NAA11: variants seen among roughly 807,000 people sequenced by gnomAD.
NAA11 encodes N-alpha-acetyltransferase 11.
NAA11 carries 15 observed loss-of-function variants against 16.1 expected under a neutral mutation model. The ratio of observed to expected loss-of-function variants is 0.93; its 90% CI spans 0.62 to 1.44. The LOEUF (loss-of-function observed/expected upper bound fraction) is 1.44, where lower values mean the gene tolerates loss of function less well. Among genes scored for constraint, NAA11 ranks in the 40% most tolerant of loss-of-function variants. NAA11 has a pLI of 0.00. For synonymous variants in NAA11, 122 were observed against 112.4 expected, an observed-to-expected ratio of 1.09 and a Z score of -0.54; for missense variants, 298 against 291.3, an observed-to-expected ratio of 1.02 and a Z score of -0.17.
the NAA11 span, among the ~76,000 whole-genome samples, chr4:79,192,917 A>T: frequency 1.3e-5 from 2 of 152,170 alleles, no homozygotes; most frequent in Non-Finnish European, 2.9e-5. Flanking sequence ...AATGATCGCC[A>T]TTCTAACTGG....
chr4:79,194,979 C>A, the NAA11 span, among the ~76,000 whole-genome samples: 1 of 151,982 alleles, frequency 6.6e-6, no homozygotes, highest in African/African-American at 2.4e-5. Flanking sequence ...CTCTGCTGTC[C>A]TGTGGGAGAG....
downstream of NAA11, among the ~76,000 whole-genome samples, chr4:79,314,121 A>T (rs1360099109): frequency 6.6e-6 from 1 of 152,228 alleles, no homozygotes; most frequent in Non-Finnish European, 1.5e-5. Context: ...TTTATGTAAA[A>T]CACATATGGA....
chr4:79,192,884 C>T, the NAA11 span, among the ~76,000 whole-genome samples: 1 of 151,952 alleles, frequency 6.6e-6, no homozygotes, highest in African/African-American at 2.4e-5. Flanking sequence ...TCCTCTCCAG[C>T]ACCTGTTGTT....
At chr4:79,177,581 T>C in the NAA11 span, among the ~76,000 whole-genome samples, 1 of 152,158 alleles carries the variant, frequency 6.6e-6, no homozygotes, top group African/African-American at 2.4e-5. Flanking sequence ...ATGAATAGTG[T>C]GAAAATGAGG....
chr4:79,245,823 G>A (rs1020797051), intron 2 of NAA11, among the ~76,000 whole-genome samples: 23 of 149,994 alleles, frequency 1.5e-4, no homozygotes, highest in African/African-American at 4.9e-4. Context: ...CTGCCCGGCC[G>A]CCACGTCTGG....
the NAA11 span, among the ~76,000 whole-genome samples, chr4:79,158,241 C>T: frequency 0.085 from 12,995 of 152,052 alleles, 648 homozygotes; most frequent in Non-Finnish European, 0.1. Context: ...GCTCCTAGAA[C>T]TGATAAATGA....
chr4:79,300,475 C>T (rs756775739), intron 1 of NAA11, among the ~76,000 whole-genome samples: 6 of 152,042 alleles, frequency 3.9e-5, no homozygotes, highest in South Asian at 2.1e-4. Flanking sequence ...TACAACATGC[C>T]GATTCAGCAA....
intron 1 of NAA11, among the ~76,000 whole-genome samples, chr4:79,303,279 C>A (rs1029586734): frequency 4.6e-5 from 7 of 151,550 alleles, no homozygotes; most frequent in African/African-American, 1.7e-4. Flanking sequence ...TTTTCAGATG[C>A]AAATTTGATA....
the NAA11 span, among the ~76,000 whole-genome samples, chr4:79,213,104 T>G: frequency 1.3e-5 from 2 of 152,194 alleles, no homozygotes; most frequent in Non-Finnish European, 2.9e-5. Flanking sequence ...ACTGGTTCAT[T>G]ATTATCACAA....
In NAA11 at chr4:79,257,411, ATACTT is replaced by A. The variant is rs570744541; in HGVS notation, c.*123-31146_*123-31142del. 1.2e-3 allele frequency among the ~76,000 whole-genome samples: 190 copies of A among 152,264 alleles called. 1 individual carries two copies. The highest frequency in any genetic ancestry group is 3.9e-3 in the South Asian group (19 of 4,824). ...AAAGTGTAGTTTCAAAATTTTAAAA[ATACTT>A]TAATTTGCAAGAGATTTTTTTTTAA... On this transcript the variant is annotated intron_variant and NMD_transcript_variant, in intron 2 of 2. Coordinates refer to the NAA11 transcript ENST00000511542.
At chr4:79,193,815 G>A in the NAA11 span, among the ~76,000 whole-genome samples, 12,833 of 152,148 alleles carry the variant, frequency 0.084, 606 homozygotes, top group Middle Eastern at 0.13. Flanking sequence ...ATTACCTTGC[G>A]CAGTATGGCC....
the NAA11 span, among the ~76,000 whole-genome samples, chr4:79,161,342 G>C: frequency 2.6e-5 from 4 of 151,952 alleles, no homozygotes; most frequent in Non-Finnish European, 5.9e-5. Flanking sequence ...TAAGTATAAG[G>C]GTTTATTTCT....
At chr4:79,281,712 T>A (rs2109987029) in intron 2 of NAA11, among the ~76,000 whole-genome samples, 1 of 152,236 alleles carries the variant, frequency 6.6e-6, no homozygotes, top group East Asian at 1.9e-4. Flanking sequence ...ATGTACACAA[T>A]GACAAATTAC....
chr4:79,184,237 G>A, the NAA11 span, among the ~76,000 whole-genome samples: 3 of 152,150 alleles, frequency 2.0e-5, no homozygotes, highest in African/African-American at 7.2e-5. Flanking sequence ...ACCTTGTAAT[G>A]ATTTCTTCAA....
chr4:79,289,550 A>G (rs1723030942), intron 2 of NAA11, among the ~76,000 whole-genome samples: 2 of 152,114 alleles, frequency 1.3e-5, no homozygotes, highest in African/African-American at 2.4e-5. Context: ...TACCCTGTGG[A>G]ATATGTTTTT....
the NAA11 span, among the ~76,000 whole-genome samples, chr4:79,167,275 A>AGG: frequency 7.7e-6 from 1 of 129,224 alleles, no homozygotes; most frequent in Non-Finnish European, 1.6e-5. Context: ...ATATATAGAG[A>AGG]GAGAGAGAGA....
chr4:79,169,837 C>A, the NAA11 span, among the ~76,000 whole-genome samples: 1 of 152,174 alleles, frequency 6.6e-6, no homozygotes, highest in Non-Finnish European at 1.5e-5. Context: ...CCACCAGGCT[C>A]CACCTTCAAC....
intron 1 of NAA11, among the ~76,000 whole-genome samples, chr4:79,298,587 C>T (rs540888154): frequency 1.2e-4 from 19 of 152,330 alleles, no homozygotes; most frequent in Admixed American, 2.6e-4. Flanking sequence ...ACCTGGAGTT[C>T]CCACCCCACT....
At chr4:79,155,807 C>G in the NAA11 span, among the ~76,000 whole-genome samples, 1 of 152,184 alleles carries the variant, frequency 6.6e-6, no homozygotes, top group African/African-American at 2.4e-5. Flanking sequence ...ACTCATTTTA[C>G]CCATGGACAA....
Sources: allele counts gnomAD v4.1 joint callset (sites outside exome capture counted in the v4.1 genomes callset), GRCh38; gene constraint gnomAD v4.1.1; transcripts MANE v1.5; gene names NCBI Gene and HGNC (gene_info 2026-07-23, HGNC 2026-07-21).